PTPRZ1: variants seen among roughly 807,000 people sequenced by gnomAD.
The protein encoded by PTPRZ1 is protein tyrosine phosphatase receptor type Z1.
In PTPRZ1, 82 loss-of-function variants were observed where a neutral mutation model predicts 214.1. The observed-to-expected ratio is 0.38, with a 90% confidence interval of 0.32 to 0.46. The LOEUF (loss-of-function observed/expected upper bound fraction) is 0.46, where lower values mean the gene tolerates loss of function less well. PTPRZ1 is among the 20% of genes least tolerant of loss of function. The pLI, the probability that PTPRZ1 is intolerant of heterozygous loss-of-function variation, is 1.00. For synonymous variants in PTPRZ1, 945 were observed against 987.9 expected, an observed-to-expected ratio of 0.96 and a Z score of 0.81; for missense variants, 2,603 against 2,748.7, an observed-to-expected ratio of 0.95 and a Z score of 1.19.
At chr7:121,934,177 C>A (rs1169711401) in intron 2 of PTPRZ1, among the ~76,000 whole-genome samples, 3 of 152,048 alleles carry the variant, frequency 2.0e-5, no homozygotes, top group Non-Finnish European at 4.4e-5. Context: ...TAATTTTTGA[C>A]AAATATGTTG....
At chr7:122,032,691 T>A (rs1562873361) in intron 15 of PTPRZ1, among the ~76,000 whole-genome samples, 2 of 152,108 alleles carry the variant, frequency 1.3e-5, no homozygotes, top group Admixed American at 1.3e-4. Flanking sequence ...TGTTATAGAT[T>A]AGAAAGCTTT....
chr7:121,978,494 A>G (rs966026658), intron 6 of PTPRZ1, among the ~76,000 whole-genome samples: 3 of 152,172 alleles, frequency 2.0e-5, no homozygotes, highest in African/African-American at 2.4e-5. Context: ...GAGAGAGAGA[A>G]TGAGAGTGTG....
chr7:122,027,715 G>T (rs1301322913), intron 13 of PTPRZ1, among the ~76,000 whole-genome samples: 2 of 152,090 alleles, frequency 1.3e-5, no homozygotes, highest in African/African-American at 2.4e-5. Context: ...AGCAGTAGTT[G>T]GTTCTTTGCT....
chr7:122,061,028 G>C, intron 29 of PTPRZ1, 52 bp from the exon 30 acceptor site: 1 of 1,500,440 alleles, frequency 6.7e-7, no homozygotes, highest in Non-Finnish European at 9.0e-7. Context: ...TTTTACAAAT[G>C]TATGTCTTCA....
At position 121,875,870 on chromosome 7, in the gene PTPRZ1, G is replaced by A. The variant is rs56774420; in HGVS notation, c.58+2313G>A. 1.9e-3 allele frequency among the ~76,000 whole-genome samples: 295 copies of A among 152,228 alleles called. 1 individual carries two copies. Among genetic ancestry groups the A allele is most frequent in the African/African-American group, 6.8e-3 (283 of 41,534 alleles). ...CACCTACTTCAGTGTTTGTGGATGC[G>A]TTTACCCCTCATCTTCAGTGTTCTT... On this transcript the variant is annotated intron_variant, in intron 1 of 29. Transcript: ENST00000393386.
At position 121,873,539 on chromosome 7, in the gene PTPRZ1, C is replaced by G. The variant is rs768848060; in HGVS notation, c.40C>G (p.Leu14Val). The change falls in exon 1 of 30, where the codon CTC (leucine) becomes GTC (valine). Residue 14 changes from leucine to valine, a missense_variant. Leu to Val is a conservative substitution (Grantham distance 32, BLOSUM62 1). Coordinates refer to ENST00000393386, the MANE Select transcript of PTPRZ1 (RefSeq NM_002851.3). Reference sequence around the variant, plus strand: ...GCGTTTCCTCGCTTGCATTCAGCTCCTCTGTGTTTGCCGCCTGGGTGAGTG... The same window carrying G: ...GCGTTTCCTCGCTTGCATTCAGCTCGTCTGTGTTTGCCGCCTGGGTGAGTG... ...LKRFLACIQL[L>V]CVCRLDWANG... The G allele has an allele frequency of 1.9e-6, 3 of 1,613,990 alleles. No homozygotes were observed. Among genetic ancestry groups the G allele is most frequent in the South Asian group, 2.2e-5 (2 of 91,072 alleles).
rs79450137 is a variant in PTPRZ1, at chr7:122,006,770, T to G, written c.1287+2110T>G. Reference sequence around the variant, plus strand: ...AGCCCAGGTCTCAACAGGAAACAGATGCCACACTCAAGTGGAGTCATGGAG... The same window carrying G: ...AGCCCAGGTCTCAACAGGAAACAGAGGCCACACTCAAGTGGAGTCATGGAG... On this transcript the variant is annotated intron_variant, in intron 11 of 29. Transcript: ENST00000393386. 2.5e-3 allele frequency among the ~76,000 whole-genome samples: 377 copies of G among 152,068 alleles called. No homozygotes were observed. In the Middle Eastern group the frequency reaches 0.034, roughly 14 times the overall value.
At chr7:121,873,740 C>CA (rs1713197830) in intron 1 of PTPRZ1, among the ~76,000 whole-genome samples, 183 bp downstream of exon 1, 1 of 152,134 alleles carries the variant, frequency 6.6e-6, no homozygotes, top group Admixed American at 6.5e-5. Flanking sequence ...GGGATTTGCG[C>CA]GCCCCCTCCC....
At position 121,972,539 on chromosome 7, in the gene PTPRZ1, A is replaced by C; in HGVS notation, c.305-2A>C. The C allele has an allele frequency of 6.3e-7, 1 of 1,582,470 alleles. No individual in the cohort carries two copies. The highest frequency in any genetic ancestry group is 8.6e-7 in the Non-Finnish European group (1 of 1,168,834). ...TAGGTGCAATTGTATTTCTTTTTTT[A>C]GTGGAAATTAATCTCACTAATGACT... is the stretch of plus-strand genomic sequence containing the variant. On this transcript the variant is annotated splice_acceptor_variant, in intron 3 of 29. Transcript: ENST00000393386. LOFTEE classifies it high-confidence loss of function.
chr7:121,963,327 G>A (rs1796936691), intron 2 of PTPRZ1, among the ~76,000 whole-genome samples: 1 of 152,172 alleles, frequency 6.6e-6, no homozygotes, highest in African/African-American at 2.4e-5. Context: ...GCAAAAACTG[G>A]CACTAGGGAG....
At chr7:121,969,246 A>G (rs1335301659) in intron 3 of PTPRZ1, among the ~76,000 whole-genome samples, 7 of 151,352 alleles carry the variant, frequency 4.6e-5, no homozygotes. Context: ...CAAAAAATCA[A>G]ATCAAAACAA....
chr7:121,907,529 TC>T (rs527434305), intron 1 of PTPRZ1, among the ~76,000 whole-genome samples: 46 of 152,170 alleles, frequency 3.0e-4, no homozygotes, highest in African/African-American at 1.1e-3. Flanking sequence ...TCAGTATCCA[TC>T]TAAATTTTCA....
intron 13 of PTPRZ1, among the ~76,000 whole-genome samples, chr7:122,021,523 G>A (rs1199068201): frequency 6.6e-6 from 1 of 152,016 alleles, no homozygotes; most frequent in East Asian, 1.9e-4. Flanking sequence ...ACTTGAGGCC[G>A]TGAGTTTGAG....
chr7:122,001,582 G>A (rs1481132130), intron 10 of PTPRZ1, among the ~76,000 whole-genome samples: 3 of 152,116 alleles, frequency 2.0e-5, no homozygotes, highest in Admixed American at 2.0e-4. Context: ...ATTATTATAT[G>A]CAGAATTATA....
chr7:121,912,825 A>G (rs1014126726), intron 1 of PTPRZ1, among the ~76,000 whole-genome samples: 1 of 152,160 alleles, frequency 6.6e-6, no homozygotes, highest in Non-Finnish European at 1.5e-5. Context: ...TTTCTTGGTG[A>G]GAACAGAATG....
At chr7:122,007,541 A>G (rs923093014) in intron 11 of PTPRZ1, among the ~76,000 whole-genome samples, 1 of 152,162 alleles carries the variant, frequency 6.6e-6, no homozygotes, top group African/African-American at 2.4e-5. Flanking sequence ...AACACTTCTT[A>G]ACCAATCCAC....
At chr7:121,968,634 CTT>C (rs543980301) in intron 3 of PTPRZ1, among the ~76,000 whole-genome samples, 2 of 129,644 alleles carry the variant, frequency 1.5e-5, no homozygotes, top group Non-Finnish European at 1.7e-5. Flanking sequence ...TTGAGCCTAT[CTT>C]TTTTTTTTTT....
At chr7:121,970,716 G>A (rs966672951) in intron 3 of PTPRZ1, among the ~76,000 whole-genome samples, 2 of 152,088 alleles carry the variant, frequency 1.3e-5, no homozygotes, top group Non-Finnish European at 2.9e-5. Context: ...TTTGTCAGAT[G>A]AGTAGATTGC....
At chr7:121,987,000 A>C (rs1157694159) in intron 8 of PTPRZ1, among the ~76,000 whole-genome samples, 2 of 152,172 alleles carry the variant, frequency 1.3e-5, no homozygotes, top group Non-Finnish European at 2.9e-5. Flanking sequence ...CATCTCATCA[A>C]AATATCTGCC....
Sources: allele counts gnomAD v4.1 joint callset (sites outside exome capture counted in the v4.1 genomes callset), GRCh38; gene constraint gnomAD v4.1.1; transcripts MANE v1.5; gene names NCBI Gene and HGNC (gene_info 2026-07-23, HGNC 2026-07-21).